The following SETBP1 variants were observed in gnomAD, a reference collection of about 807,000 sequenced individuals.
SETBP1 encodes the protein SET binding protein 1, also known as SET-binding protein.
In SETBP1, 9 loss-of-function variants were observed where a neutral mutation model predicts 101.0. The observed-to-expected ratio is 0.09, with a 90% CI of 0.05 to 0.16. The LOEUF (loss-of-function observed/expected upper bound fraction) is 0.16, where lower values mean the gene tolerates loss of function less well. Ranked by LOEUF, SETBP1 falls within the 10% of genes least tolerant of loss-of-function variation. The pLI is 1.00. For synonymous variants in SETBP1, 818 were observed against 788.5 expected, an observed-to-expected ratio of 1.04 and a Z score of -0.63; for missense variants, 1,858 against 2,033.8, an observed-to-expected ratio of 0.91 and a Z score of 1.66.
At chr18:44,731,757 C>T (rs1399826735) in intron 2 of SETBP1, among the ~76,000 whole-genome samples, 3 of 152,084 alleles carry the variant, frequency 2.0e-5, no homozygotes, top group South Asian at 2.1e-4. Context: ...TTCTGCCACC[C>T]GACAAACACG....
In SETBP1 at chr18:45,014,611, A is replaced by G. The variant is rs75770124; in HGVS notation, c.4001-23874A>G. Among the ~76,000 whole-genome samples, 791 of 152,302 alleles carry G rather than the reference A, an allele frequency of 5.2e-3. 9 individuals are homozygous for G. Among genetic ancestry groups the G allele is most frequent in the African/African-American group, 0.018 (737 of 41,568 alleles). ...GAAACAAAAACATCGAGGGAACTCA[A>G]TGTCTGATTCTTGACAGGGTCAAGA... On this transcript the variant is annotated intron_variant, in intron 4 of 5. Transcript: ENST00000649279.
At chr18:44,990,501 A>G (rs569482450) in intron 4 of SETBP1, among the ~76,000 whole-genome samples, 1 of 152,226 alleles carries the variant, frequency 6.6e-6, no homozygotes, top group South Asian at 2.1e-4. Context: ...CTGAGGTGGT[A>G]GGATTGCTGG....
intron 4 of SETBP1, among the ~76,000 whole-genome samples, chr18:45,021,630 G>A (rs1383252776): frequency 6.6e-6 from 1 of 152,118 alleles, no homozygotes; most frequent in Non-Finnish European, 1.5e-5. Flanking sequence ...AACTCATAAA[G>A]AGAAGAAGAA....
chr18:45,053,943 C>T (rs1475204496), intron 5 of SETBP1, among the ~76,000 whole-genome samples: 1 of 152,156 alleles, frequency 6.6e-6, no homozygotes, highest in Non-Finnish European at 1.5e-5. Context: ...GGTGCAACCA[C>T]CCCCACTGTG....
intron 4 of SETBP1, among the ~76,000 whole-genome samples, chr18:44,971,869 T>C (rs8083328): frequency 0.3 from 45,680 of 151,824 alleles, 8,109 homozygotes; most frequent in East Asian, 0.55. Context: ...GTGCAGAAGC[T>C]CTTTAGTTTA....
At chr18:44,968,429 A>C (rs184669709) in intron 4 of SETBP1, among the ~76,000 whole-genome samples, 1 of 152,320 alleles carries the variant, frequency 6.6e-6, no homozygotes, top group East Asian at 1.9e-4. Flanking sequence ...GATAGTGGGC[A>C]TGATCTGCTG....
At chr18:44,760,170 G>A (rs1381446559) in intron 2 of SETBP1, among the ~76,000 whole-genome samples, 1 of 152,182 alleles carries the variant, frequency 6.6e-6, no homozygotes, top group Non-Finnish European at 1.5e-5. Flanking sequence ...TGCTGAAACA[G>A]ACCTTATTTT....
chr18:44,921,301 C>T (rs2070574714), intron 3 of SETBP1, among the ~76,000 whole-genome samples: 1 of 152,220 alleles, frequency 6.6e-6, no homozygotes, highest in African/African-American at 2.4e-5. Context: ...GTTGAACTCT[C>T]ATTCTGATAG....
At position 44,790,530 on chromosome 18, in the gene SETBP1, T is replaced by C. The variant is rs72907689; in HGVS notation, c.487-78700T>C. On this transcript the variant is annotated intron_variant, in intron 2 of 5. Coordinates refer to ENST00000649279, the MANE Select transcript of SETBP1 (RefSeq NM_015559.3). ...CCTCACAAACTGAGAACCTTACTCC[T>C]TTAGTTAACATGGGCAGCCTTATCC... is the stretch of plus-strand genomic sequence containing the variant. 3.2e-3 allele frequency among the ~76,000 whole-genome samples: 494 copies of C among 152,348 alleles called. 2 individuals are homozygous for C. The highest frequency in any genetic ancestry group is 4.6e-3 in the Non-Finnish European group (315 of 68,032).
At chr18:44,737,319 A>G (rs1472056570) in intron 2 of SETBP1, among the ~76,000 whole-genome samples, 1 of 152,144 alleles carries the variant, frequency 6.6e-6, no homozygotes, top group Admixed American at 6.5e-5. Context: ...CTGGTGTCTG[A>G]GGTGAGTATA....
chr18:44,740,425 G>A (rs546055506), intron 2 of SETBP1, among the ~76,000 whole-genome samples: 102 of 152,234 alleles, frequency 6.7e-4, no homozygotes, highest in African/African-American at 2.0e-3. Flanking sequence ...CTTCATGTTC[G>A]GAATAGGAAT....
intron 1 of SETBP1, among the ~76,000 whole-genome samples, chr18:44,693,886 ATGCATAT>A (rs796088881): frequency 5.3e-5 from 8 of 152,298 alleles, no homozygotes; most frequent in African/African-American, 1.9e-4. Context: ...TGACATCATT[ATGCATAT>A]TCTCAAAGAC....
intron 3 of SETBP1, among the ~76,000 whole-genome samples, chr18:44,939,479 C>T (rs189307719): frequency 3.2e-4 from 49 of 152,238 alleles, no homozygotes; most frequent in African/African-American, 1.1e-3. Flanking sequence ...TTGATTGGCA[C>T]CTGAACCGCT....
chr18:44,866,046 GT>G (rs1255531845), intron 2 of SETBP1, among the ~76,000 whole-genome samples: 1 of 152,178 alleles, frequency 6.6e-6, no homozygotes, highest in Non-Finnish European at 1.5e-5. Flanking sequence ...ACATTTTACT[GT>G]TTCAACCAGT....
intron 4 of SETBP1, among the ~76,000 whole-genome samples, chr18:44,993,354 T>A (rs959271194): frequency 6.6e-6 from 1 of 152,134 alleles, no homozygotes; most frequent in Admixed American, 6.5e-5. Flanking sequence ...TTTGGAAAAG[T>A]AAAAATAAAA....
intron 2 of SETBP1, among the ~76,000 whole-genome samples, chr18:44,727,721 C>G (rs992173390): frequency 1.2e-4 from 18 of 152,212 alleles, no homozygotes; most frequent in Admixed American, 5.2e-4. Context: ...AGTTTCCTCA[C>G]AGACATTTAG....
At chr18:44,785,153 C>T (rs970269864) in intron 2 of SETBP1, among the ~76,000 whole-genome samples, 6 of 152,158 alleles carry the variant, frequency 3.9e-5, no homozygotes, top group South Asian at 2.1e-4. Context: ...AATAAATACA[C>T]ATCATGTACA....
intron 4 of SETBP1, among the ~76,000 whole-genome samples, chr18:45,017,350 G>A (rs1409325537): frequency 6.6e-6 from 1 of 152,204 alleles, no homozygotes; most frequent in African/African-American, 2.4e-5. Context: ...CAAAACTGTG[G>A]ACTCTGCAAA....
At chr18:44,882,464 A>T (rs966976369) in intron 3 of SETBP1, among the ~76,000 whole-genome samples, 3 of 149,734 alleles carry the variant, frequency 2.0e-5, no homozygotes, top group Admixed American at 1.3e-4. Flanking sequence ...ATGGGATGCT[A>T]TTCTCTTCCC....
Sources: gnomAD v4.1 joint callset for allele counts (sites outside exome capture counted in the v4.1 genomes callset) on GRCh38, gnomAD v4.1.1 for gene constraint, MANE v1.5 for transcripts, NCBI Gene and HGNC (gene_info 2026-07-23, HGNC 2026-07-21) for gene names.